Variants in CEP120 observed in about 807,000 individuals in gnomAD.
The protein encoded by CEP120 is centrosomal protein 120, also known as centrosomal protein of 120 kDa.
CEP120 carries 113 observed loss-of-function variants against 126.5 expected under a neutral mutation model. That is an observed-to-expected ratio of 0.89 (90% CI 0.77 to 1.04). The LOEUF is 1.04. Ranked by LOEUF, CEP120 falls within the 50% of genes least tolerant of loss-of-function variation. The pLI, the probability that CEP120 is intolerant of heterozygous loss-of-function variation, is 0.00. For synonymous variants in CEP120, 400 were observed against 394.3 expected, an observed-to-expected ratio of 1.01 and a Z score of -0.17; for missense variants, 1,230 against 1,155.7, an observed-to-expected ratio of 1.06 and a Z score of -0.93.
intron 1 of CEP120, among the ~76,000 whole-genome samples, chr5:123,419,820 G>C (rs1269451107): frequency 2.0e-5 from 3 of 152,006 alleles, no homozygotes; most frequent in Non-Finnish European, 4.4e-5. Context: ...ATCTAGTTAA[G>C]AGAAACAAAC....
intron 3 of CEP120, among the ~76,000 whole-genome samples, chr5:123,414,472 T>C (rs1176146677): frequency 2.0e-5 from 3 of 152,132 alleles, no homozygotes; most frequent in Admixed American, 2.0e-4. Flanking sequence ...GCAAAAATAT[T>C]AGTAAAAGAT....
In CEP120 at chr5:123,386,503, C is replaced by T. The variant is rs769241145; in HGVS notation, c.1580+15G>A. 4.0e-6 allele frequency: 6 copies of T among 1,493,734 alleles called. No homozygotes were observed. Among genetic ancestry groups the T allele is most frequent in the Admixed American group, 2.4e-5 (1 of 41,540 alleles). 92.5% of individuals were successfully genotyped at this position (1,493,734 alleles called of 1,614,324 possible). A position where few individuals can be genotyped will look rare whatever the true frequency, so the allele number is the denominator to read the frequency against. ...CTTAAATTAATTAATATCATACATA[C>T]ACTGTATGCATTACCTTAAGAAGGT... On this transcript the variant is annotated intron_variant, in intron 10 of 19. Coordinates refer to ENST00000306467, the MANE Select transcript of CEP120 (RefSeq NM_001375405.1).
At chr5:123,391,479 A>C (rs1460396221) in intron 6 of CEP120, 142 bp from the exon 7 acceptor site, 1 of 615,002 alleles carries the variant, frequency 1.6e-6, no homozygotes, top group Non-Finnish European at 2.8e-6. Context: ...CAAGTGACGA[A>C]GTAATGAATT....
At chr5:123,382,435 G>A (rs1771713448) in intron 13 of CEP120, among the ~76,000 whole-genome samples, 1 of 151,866 alleles carries the variant, frequency 6.6e-6, no homozygotes, top group East Asian at 1.9e-4. Context: ...ACTCTTGTTT[G>A]GAGACTAATG....
upstream of CEP120, chr5:123,423,604 G>A (rs1009539924): frequency 6.5e-6 from 1 of 153,518 alleles, no homozygotes; most frequent in Admixed American, 6.4e-5. Flanking sequence ...GCTTCCTGAA[G>A]CTGCGTAGCC....
intron 17 of CEP120, 99 bp from the exon 18 acceptor site, chr5:123,364,693 T>C (rs1770330678): frequency 3.7e-6 from 2 of 547,132 alleles, no homozygotes; most frequent in Non-Finnish European, 3.1e-6. Context: ...GAAAAGAGTT[T>C]ATACAGTGTA....
chr5:123,413,247 G>A (rs1774177594), intron 3 of CEP120, among the ~76,000 whole-genome samples: 1 of 151,346 alleles, frequency 6.6e-6, no homozygotes, highest in African/African-American at 2.4e-5. Flanking sequence ...ACTCCAGCCT[G>A]AGCAACAGGA....
chr5:123,365,679 G>C (rs912619596), intron 17 of CEP120, among the ~76,000 whole-genome samples: 1 of 151,522 alleles, frequency 6.6e-6, no homozygotes, highest in Admixed American at 6.6e-5. Context: ...GAATAATACT[G>C]CTGAGATTAT....
At chr5:123,410,032 G>T (rs1271360890) in intron 4 of CEP120, among the ~76,000 whole-genome samples, 1 of 139,946 alleles carries the variant, frequency 7.1e-6, no homozygotes, top group African/African-American at 2.7e-5. Context: ...TTATAGCAAG[G>T]TTATAAAATA....
intron 14 of CEP120, among the ~76,000 whole-genome samples, chr5:123,381,289 T>C (rs1287983414): frequency 6.6e-6 from 1 of 152,012 alleles, no homozygotes; most frequent in Non-Finnish European, 1.5e-5. Flanking sequence ...AAACAGACAC[T>C]AGCAATCTTG....
intron 17 of CEP120, among the ~76,000 whole-genome samples, chr5:123,369,284 C>A (rs991756524): frequency 6.6e-6 from 1 of 151,894 alleles, no homozygotes; most frequent in Non-Finnish European, 1.5e-5. Context: ...TAGCATTTTA[C>A]AAATATTGAG....
intron 14 of CEP120, among the ~76,000 whole-genome samples, chr5:123,380,202 T>C (rs1251384880): frequency 6.6e-6 from 1 of 152,112 alleles, no homozygotes; most frequent in Non-Finnish European, 1.5e-5. Flanking sequence ...TTCATCATAC[T>C]GAAAAACAAC....
At chr5:123,402,123 C>T (rs573428005) in intron 4 of CEP120, 1 of 1,580,906 alleles carries the variant, frequency 6.3e-7, no homozygotes, top group South Asian at 1.1e-5. Context: ...GACAAGGGGG[C>T]TCAGCAGGCT....
chr5:123,361,577 T>G (rs1446129055), intron 18 of CEP120, among the ~76,000 whole-genome samples: 11 of 151,846 alleles, frequency 7.2e-5, no homozygotes, highest in African/African-American at 1.2e-4. Flanking sequence ...CCTTACATAC[T>G]TTTTGCTTCT....
At chr5:123,422,705 C>T (rs1373222476) in intron 1 of CEP120, 1 of 737,782 alleles carries the variant, frequency 1.4e-6, no homozygotes, top group Non-Finnish European at 2.3e-6. Context: ...ATCGTTTTCT[C>T]TAGATTCTCT....
chr5:123,401,052 G>T (rs1476864738), intron 4 of CEP120: 2 of 1,561,478 alleles, frequency 1.3e-6, no homozygotes, highest in East Asian at 4.5e-5. Flanking sequence ...GCCGGGGCTT[G>T]TGAGGCCCCC....
At chr5:123,388,716 G>T in intron 8 of CEP120, 110 bp from the exon 9 acceptor site, 2 of 840,540 alleles carry the variant, frequency 2.4e-6, no homozygotes, top group Non-Finnish European at 3.4e-6. Context: ...CAGGAATTGG[G>T]CTATTTTGTC....
At chr5:123,410,538 A>G (rs1030240521) in intron 4 of CEP120, among the ~76,000 whole-genome samples, 4 of 152,246 alleles carry the variant, frequency 2.6e-5, no homozygotes, top group Admixed American at 2.0e-4. Flanking sequence ...TCACATAAGT[A>G]AAGTCAACTG....
chr5:123,352,786 A>G (rs1444937416), intron 18 of CEP120, among the ~76,000 whole-genome samples: 1 of 152,032 alleles, frequency 6.6e-6, no homozygotes, highest in Non-Finnish European at 1.5e-5. Flanking sequence ...TCTTTAAAAT[A>G]CTGATTTTTC....
Sources: allele counts gnomAD v4.1 joint callset (sites outside exome capture counted in the v4.1 genomes callset), GRCh38; gene constraint gnomAD v4.1.1; transcripts MANE v1.5; gene names NCBI Gene and HGNC (gene_info 2026-07-23, HGNC 2026-07-21).